The following CASD1 variants were observed in gnomAD, a reference collection of about 807,000 sequenced individuals.
CASD1 encodes the protein N-acetylneuraminate (7)9-O-acetyltransferase.
A neutral mutation model predicts 100.0 loss-of-function variants in CASD1; 41 were observed. The ratio of observed to expected loss-of-function variants is 0.41; its 90% CI spans 0.32 to 0.53. The LOEUF (loss-of-function observed/expected upper bound fraction) is 0.53. Ranked by LOEUF, CASD1 falls within the 20% of genes least tolerant of loss-of-function variation. The pLI is 0.25. For synonymous variants in CASD1, 321 were observed against 315.6 expected (o/e 1.02, Z -0.18); for missense variants, 774 against 948.7 (o/e 0.82, Z 2.42).
At chr7:94,587,416 G>C in the CASD1 span, 1 of 1,140,780 alleles carries the variant, frequency 8.8e-7, no homozygotes, top group African/African-American at 1.6e-5. Context: ...AAATAATTAA[G>C]AATCAGAAGA....
At chr7:94,604,825 A>G in the CASD1 span, among the ~76,000 whole-genome samples, 1 of 53,084 alleles carries the variant, frequency 1.9e-5, no homozygotes, top group African/African-American at 5.9e-5. Context: ...ATATATATAT[A>G]TATATATATA....
the CASD1 span, chr7:94,603,398 A>G: frequency 6.2e-7 from 1 of 1,613,234 alleles, no homozygotes; most frequent in South Asian, 1.1e-5. Flanking sequence ...GTGGATTTTC[A>G]ACTTCTCGTA....
intron 9 of CASD1, among the ~76,000 whole-genome samples, chr7:94,538,369 C>G (rs1195684175): frequency 6.6e-6 from 1 of 152,114 alleles, no homozygotes; most frequent in Admixed American, 6.5e-5. Flanking sequence ...TCACAGTATT[C>G]TGATTTTCCA....
intron 13 of CASD1, 123 bp downstream of exon 13, chr7:94,547,298 T>C: frequency 1.7e-6 from 1 of 605,840 alleles, no homozygotes; most frequent in Non-Finnish European, 2.8e-6. Flanking sequence ...GTAATAAAAG[T>C]GTCACTCTGA....
chr7:94,598,485 C>A, the CASD1 span: 2 of 337,738 alleles, frequency 5.9e-6, no homozygotes, highest in Non-Finnish European at 5.5e-6. Flanking sequence ...TTATAATTAA[C>A]TCATCTTTGA....
the CASD1 span, chr7:94,619,789 T>C: frequency 6.6e-6 from 1 of 152,204 alleles, no homozygotes; most frequent in East Asian, 1.9e-4. Flanking sequence ...GCTTGTGTTT[T>C]TCATTGTACT....
intron 5 of CASD1, among the ~76,000 whole-genome samples, chr7:94,528,518 G>T (rs760597823): frequency 1.3e-5 from 2 of 152,090 alleles, no homozygotes; most frequent in Non-Finnish European, 2.9e-5. Flanking sequence ...TTCTGTTACT[G>T]CTGTAGTTCA....
At chr7:94,538,846 G>T (rs928526561) in intron 9 of CASD1, 121 bp from the exon 10 acceptor site, 14 of 459,746 alleles carry the variant, frequency 3.0e-5, no homozygotes, top group East Asian at 1.7e-4. Context: ...CACCATCAAG[G>T]TTCTTTTGAC....
chr7:94,609,287 G>A, the CASD1 span, among the ~76,000 whole-genome samples: 1 of 152,256 alleles, frequency 6.6e-6, no homozygotes, highest in East Asian at 1.9e-4. Context: ...AGCACTTTTG[G>A]AGGCCAAGGT....
chr7:94,586,133 A>G, the CASD1 span, among the ~76,000 whole-genome samples: 809 of 149,228 alleles, frequency 5.4e-3, 10 homozygotes, highest in African/African-American at 0.019. Context: ...CCATATAGGT[A>G]GCTACAAATA....
chr7:94,554,538 G>C lies in CASD1; in HGVS notation c.2090G>C (p.Ser697Thr). Residue 697 changes from serine to threonine, a missense_variant, in exon 17 of 18, where the codon AGT becomes ACT. Transcript: ENST00000297273. ...CCTGGATATGCCCGTTCAGTTTACA[G>C]TTCATTTTTTGCTTGGTTTGGAAAA... is the stretch of plus-strand genomic sequence containing the variant. The part of the protein sequence containing the change: ...NIPGYARSVY[S>T]SFFAWFGKIS... 1 of 1,612,274 alleles carries C rather than the reference G, an allele frequency of 6.2e-7. No homozygotes were observed. Among genetic ancestry groups the C allele is most frequent in the South Asian group, 1.1e-5 (1 of 90,952 alleles).
At chr7:94,519,770 G>A (rs995009186) in intron 3 of CASD1, among the ~76,000 whole-genome samples, 1 of 152,142 alleles carries the variant, frequency 6.6e-6, no homozygotes, top group Admixed American at 6.5e-5. Context: ...GCCTCCCAAA[G>A]TGCTGGAATT....
At chr7:94,560,331 C>A (rs1479628412), downstream of CASD1, among the ~76,000 whole-genome samples, 3 of 152,068 alleles carry the variant, frequency 2.0e-5, no homozygotes, top group African/African-American at 4.8e-5. Context: ...TTTCCTTGAC[C>A]CCTTCCATTT....
At chr7:94,569,209 C>T in the CASD1 span, among the ~76,000 whole-genome samples, 3 of 151,872 alleles carry the variant, frequency 2.0e-5, no homozygotes, top group African/African-American at 7.3e-5. Flanking sequence ...AACTTATACT[C>T]ATATTGGTGG....
chr7:94,553,261 CT>C, intron 16 of CASD1: 1 of 189,688 alleles, frequency 5.3e-6, no homozygotes, highest in African/African-American at 2.4e-5. Flanking sequence ...TCACATGAAC[CT>C]TTCAAAGTAA....
chr7:94,599,512 C>A, the CASD1 span: 2 of 593,026 alleles, frequency 3.4e-6, no homozygotes, highest in East Asian at 5.6e-5. Flanking sequence ...AGTTTTCAAA[C>A]CCTTTTTAGT....
the CASD1 span, among the ~76,000 whole-genome samples, chr7:94,592,935 A>G: frequency 6.6e-6 from 1 of 152,136 alleles, no homozygotes; most frequent in African/African-American, 2.4e-5. Context: ...ACAATAAGAA[A>G]TAGTTATATA....
In CASD1 at chr7:94,549,542, GAGA is replaced by G. The variant is rs767698146; in HGVS notation, c.1727_1729del (p.Lys576del). The G allele has an allele frequency of 1.4e-5, 23 of 1,607,104 alleles. No individual in the cohort carries two copies. The South Asian group carries it at 2.3e-4, about 16-fold the overall frequency. On this transcript the variant is annotated inframe_deletion, in exon 14 of 18. Transcript: ENST00000297273. ...GGATTCCTTTTTTCAGGGTGCATTT[GAGA>G]AGATCTTTTCTCTTTGGCCATTGTC...
At chr7:94,593,361 T>A in the CASD1 span, among the ~76,000 whole-genome samples, 1 of 151,988 alleles carries the variant, frequency 6.6e-6, no homozygotes, top group South Asian at 2.1e-4. Context: ...TCCCCAATTA[T>A]TCATTACCTA....
Sources: allele counts gnomAD v4.1 joint callset (sites outside exome capture counted in the v4.1 genomes callset), GRCh38; gene constraint gnomAD v4.1.1; transcripts MANE v1.5; gene names NCBI Gene and HGNC (gene_info 2026-07-23, HGNC 2026-07-21).